The following PRKCB variants were observed in gnomAD, a reference collection of about 807,000 sequenced individuals.
PRKCB encodes protein kinase C beta, also known as protein kinase C beta type.
Under a neutral mutation model 81.5 loss-of-function variants are expected in PRKCB, and 13 were observed. The ratio of observed to expected loss-of-function variants is 0.16; its 90% confidence interval spans 0.10 to 0.25. PRKCB has a LOEUF of 0.25. Ranked by LOEUF, PRKCB falls within the 10% of genes least tolerant of loss-of-function variation. The pLI, the probability that PRKCB is intolerant of heterozygous loss-of-function variation, is 1.00. For missense variants in PRKCB, 509 were observed against 875.7 expected, an observed-to-expected ratio of 0.58 and a Z score of 5.29; for synonymous variants, 335 against 321.4, an observed-to-expected ratio of 1.04 and a Z score of -0.45.
At chr16:23,929,674 C>T (rs993376407) in intron 2 of PRKCB, among the ~76,000 whole-genome samples, 6 of 152,140 alleles carry the variant, frequency 3.9e-5, no homozygotes, top group Admixed American at 3.9e-4. Context: ...TAGGACAGTG[C>T]CTGGCATGTA....
In PRKCB at chr16:24,217,889, A is replaced by C; in HGVS notation, c.*3073A>C. 1.0e-6 allele frequency: 1 copy of C among 985,436 alleles called. No individual in the cohort carries two copies. The highest frequency in any genetic ancestry group is 1.2e-6 in the Non-Finnish European group (1 of 829,934). 61.0% of individuals were successfully genotyped at this position (985,436 alleles called of 1,614,324 possible). On this transcript the variant is annotated 3_prime_UTR_variant, in exon 17 of 17. Coordinates refer to ENST00000643927, the MANE Select transcript of PRKCB (RefSeq NM_002738.7). ...ACAGTTCAGTTCATACAGGGGTTCA[A>C]AAGGGACAGTGGCCCATTTGGGAGA... is the stretch of plus-strand genomic sequence containing the variant.
At chr16:24,029,504 G>A (rs370654402) in intron 3 of PRKCB, among the ~76,000 whole-genome samples, 2 of 152,090 alleles carry the variant, frequency 1.3e-5, no homozygotes, top group Middle Eastern at 3.2e-3. Context: ...AGGCCTCCTC[G>A]TCCTCAAGAA....
In PRKCB at chr16:24,126,628, G is replaced by A. The variant is rs28427377; in HGVS notation, c.1065+2647G>A. The stretch of plus-strand genomic sequence containing the variant: ...GTTGCCCAGGCTGGAGTGCAATGGC[G>A]CCATCTCGGCTCACTGCAACCTCTA... On this transcript the variant is annotated intron_variant, in intron 9 of 16. Transcript: ENST00000643927. Among the ~76,000 whole-genome samples, 1,059 of 150,072 alleles carry A rather than the reference G, an allele frequency of 7.1e-3. 7 individuals carry two copies. The highest frequency in any genetic ancestry group is 0.024 in the African/African-American group (992 of 40,876).
chr16:23,861,223 C>G (rs900600653), intron 2 of PRKCB, among the ~76,000 whole-genome samples: 3 of 151,696 alleles, frequency 2.0e-5, no homozygotes, highest in Non-Finnish European at 4.4e-5. Flanking sequence ...GGCTGGAGTG[C>G]AGTGGCACAA....
intron 2 of PRKCB, among the ~76,000 whole-genome samples, chr16:23,931,586 C>T (rs1002772930): frequency 1.3e-5 from 2 of 151,996 alleles, no homozygotes; most frequent in Non-Finnish European, 2.9e-5. Context: ...AGGAGAGAAG[C>T]GAGAGGACAG....
At chr16:23,915,689 CA>C (rs71154259) in intron 2 of PRKCB, among the ~76,000 whole-genome samples, 206 of 54,532 alleles carry the variant, frequency 3.8e-3, no homozygotes, top group African/African-American at 0.014. Flanking sequence ...GACTCTCTAT[CA>C]AAAAAAAAAA....
chr16:23,977,607 C>A (rs112770525), intron 2 of PRKCB, among the ~76,000 whole-genome samples: 28 of 152,262 alleles, frequency 1.8e-4, no homozygotes, highest in African/African-American at 6.3e-4. Flanking sequence ...TGTGGTCGCG[C>A]ATACAGAGAA....
At chr16:24,049,147 A>G (rs1281880435) in intron 5 of PRKCB, among the ~76,000 whole-genome samples, 1 of 138,880 alleles carries the variant, frequency 7.2e-6, no homozygotes, top group African/African-American at 2.7e-5. Flanking sequence ...TGTGAGAAGC[A>G]GGTGGATGGA....
chr16:23,998,796 C>A (rs972804213), intron 3 of PRKCB, among the ~76,000 whole-genome samples: 18 of 152,202 alleles, frequency 1.2e-4, no homozygotes, highest in Admixed American at 6.5e-4. Context: ...TCAGACAGAC[C>A]AGGAAAGGGT....
chr16:23,863,191 C>A (rs979483072), intron 2 of PRKCB, among the ~76,000 whole-genome samples: 1 of 56,606 alleles, frequency 1.8e-5, no homozygotes, highest in African/African-American at 8.6e-5. Flanking sequence ...TGTATACATA[C>A]ATACGTATAT....
intron 13 of PRKCB, among the ~76,000 whole-genome samples, chr16:24,182,562 T>C (rs1430163055): frequency 6.6e-6 from 1 of 152,118 alleles, no homozygotes; most frequent in Non-Finnish European, 1.5e-5. Flanking sequence ...TTCCACACTT[T>C]TAAAGTACTT....
intron 16 of PRKCB, among the ~76,000 whole-genome samples, chr16:24,211,683 C>T (rs1043433863): frequency 9.9e-5 from 15 of 151,714 alleles, no homozygotes; most frequent in African/African-American, 3.2e-4. Flanking sequence ...CTCAGCCTCC[C>T]GAGTAGCTGG....
chr16:24,028,928 C>T (rs1481784702), intron 3 of PRKCB, among the ~76,000 whole-genome samples: 1 of 152,068 alleles, frequency 6.6e-6, no homozygotes, highest in African/African-American at 2.4e-5. Context: ...GTAGCTGGGA[C>T]TACAGGCATG....
At chr16:24,122,449 C>CTTTTTTTTTTT (rs35364143) in intron 8 of PRKCB, among the ~76,000 whole-genome samples, 3 of 97,646 alleles carry the variant, frequency 3.1e-5, no homozygotes, top group African/African-American at 1.6e-4. Context: ...TACCACGAGG[C>CTTTTTTTTTTT]TTTTTTTTTT....
At chr16:24,045,625 A>G (rs1372365561) in intron 5 of PRKCB, among the ~76,000 whole-genome samples, 2 of 151,794 alleles carry the variant, frequency 1.3e-5, no homozygotes, top group Non-Finnish European at 1.5e-5. Context: ...TTTTTTTTCC[A>G]GAAATCACTG....
intron 10 of PRKCB, among the ~76,000 whole-genome samples, chr16:24,155,086 G>GT (rs1332720250): frequency 6.6e-6 from 1 of 152,232 alleles, no homozygotes; most frequent in African/African-American, 2.4e-5. Context: ...CAGGCAACTG[G>GT]TTTTATAATT....
chr16:23,958,704 C>T (rs67239977), intron 2 of PRKCB, among the ~76,000 whole-genome samples: 9 of 114,204 alleles, frequency 7.9e-5, no homozygotes, highest in East Asian at 3.0e-4. Flanking sequence ...TCTCCTCCTC[C>T]TCTTCTTCTT....
At position 24,094,343 on chromosome 16, in the gene PRKCB, C is replaced by G. The variant is rs138174323; in HGVS notation, c.821+46C>G. 353 of 1,598,430 alleles carry G rather than the reference C, an allele frequency of 2.2e-4. 1 individual carries two copies. In the African/African-American group the frequency reaches 4.4e-3, roughly 20 times the overall value. The stretch of plus-strand genomic sequence containing the variant: ...AAAGCTACCATACAGCTTGCTCCAT[C>G]AAACGCGGGGTCAAGTATGTTTTCC... On this transcript the variant is annotated intron_variant, in intron 7 of 16. Transcript: ENST00000643927.
At chr16:24,094,350 G>A (rs576580976) in intron 7 of PRKCB, 53 bp downstream of exon 7, 44 of 1,586,340 alleles carry the variant, frequency 2.8e-5, no homozygotes, top group African/African-American at 5.4e-5. Flanking sequence ...CATCAAACGC[G>A]GGGTCAAGTA....
Sources: gnomAD v4.1 joint callset for allele counts (sites outside exome capture counted in the v4.1 genomes callset) on GRCh38, gnomAD v4.1.1 for gene constraint, MANE v1.5 for transcripts, NCBI Gene and HGNC (gene_info 2026-07-23, HGNC 2026-07-21) for gene names.